The following USP31 variants were observed in gnomAD, a reference collection of about 807,000 sequenced individuals.
The protein encoded by USP31 is ubiquitin carboxyl-terminal hydrolase 31.
In USP31, 44 loss-of-function variants were observed where a neutral mutation model predicts 119.4. The ratio of observed to expected loss-of-function variants is 0.37; its 90% confidence interval spans 0.29 to 0.47. The LOEUF is 0.47. Among genes scored for constraint, USP31 ranks in the 20% least tolerant of loss-of-function variants. The pLI is 0.99. For synonymous variants in USP31, 749 were observed against 705.6 expected, an observed-to-expected ratio of 1.06 and a Z score of -0.97; for missense variants, 1,643 against 1,730.2, an observed-to-expected ratio of 0.95 and a Z score of 0.89.
chr16:23,135,137 TAAA>T (rs71151697), intron 1 of USP31, among the ~76,000 whole-genome samples: 8,556 of 127,846 alleles, frequency 0.067, 332 homozygotes, highest in Non-Finnish European at 0.088. Flanking sequence ...TTTCATGATT[TAAA>T]AAAAAAAAAA....
At chr16:23,105,714 A>C in intron 4 of USP31, 138 bp from the exon 5 acceptor site, 1 of 976,576 alleles carries the variant, frequency 1.0e-6, no homozygotes, top group Non-Finnish European at 1.4e-6. Context: ...AAATGGAAAA[A>C]TTTCACTTGG....
In USP31 at chr16:23,125,533, G is replaced by C. The variant is rs537015076; in HGVS notation, c.634-17350C>G. Among the ~76,000 whole-genome samples the C allele has an allele frequency of 7.2e-5, 11 of 152,296 alleles. No homozygotes were observed. The South Asian group carries it at 2.3e-3, about 32-fold the overall frequency. On this transcript the variant is annotated intron_variant, in intron 1 of 15. Coordinates refer to ENST00000219689, the MANE Select transcript of USP31 (RefSeq NM_020718.4). ...AATACTCCTTTCTTTCCCATCTGAA[G>C]GGAAATGAAGCTACTCTCCTTTCTT...
chr16:23,079,864 T>G, intron 13 of USP31, 82 bp downstream of exon 13: 1 of 1,335,158 alleles, frequency 7.5e-7, no homozygotes, highest in Non-Finnish European at 1.0e-6. Flanking sequence ...GAAATGAGGC[T>G]CTAAAGTCAA....
intron 10 of USP31, among the ~76,000 whole-genome samples, chr16:23,085,339 G>A (rs1201588038): frequency 1.3e-5 from 2 of 152,138 alleles, no homozygotes. Context: ...AACCTATATA[G>A]TAGCTAATGA....
chr16:23,115,993 G>C (rs1412787639), intron 1 of USP31, among the ~76,000 whole-genome samples: 1 of 152,100 alleles, frequency 6.6e-6, no homozygotes, highest in Non-Finnish European at 1.5e-5. Flanking sequence ...CTAACCCCAG[G>C]AAGAAGAAGA....
At chr16:23,123,897 G>A (rs1454734522) in intron 1 of USP31, among the ~76,000 whole-genome samples, 1 of 152,008 alleles carries the variant, frequency 6.6e-6, no homozygotes, top group African/African-American at 2.4e-5. Flanking sequence ...CTACCAGAGA[G>A]CTGAGGTGAG....
At chr16:23,081,119 C>T (rs1239262122) in intron 12 of USP31, among the ~76,000 whole-genome samples, 2 of 151,972 alleles carry the variant, frequency 1.3e-5, no homozygotes, top group East Asian at 1.9e-4. Flanking sequence ...ACACAGGAGT[C>T]GATGAAGAGG....
chr16:23,083,708 G>T (rs1596693789), intron 11 of USP31, among the ~76,000 whole-genome samples: 2 of 107,304 alleles, frequency 1.9e-5, no homozygotes, highest in South Asian at 4.6e-4. Context: ...GGGGGGGGGG[G>T]GGGAAGGGGT....
At chr16:23,120,063 AACTC>A (rs1169607181) in intron 1 of USP31, among the ~76,000 whole-genome samples, 8 of 152,334 alleles carry the variant, frequency 5.3e-5, no homozygotes, top group Admixed American at 1.3e-4. Context: ...TAACTCAAGT[AACTC>A]AAATGTATCT....
At chr16:23,148,259 C>T (rs887888259) in intron 1 of USP31, among the ~76,000 whole-genome samples, 20 of 152,196 alleles carry the variant, frequency 1.3e-4, no homozygotes, top group Admixed American at 8.5e-4. Flanking sequence ...GGCTGCTTAA[C>T]TTACCCGACG....
chr16:23,126,435 T>C (rs959010057), intron 1 of USP31, among the ~76,000 whole-genome samples: 5 of 146,194 alleles, frequency 3.4e-5, no homozygotes, highest in Non-Finnish European at 6.0e-5. Flanking sequence ...CCATCCTGGC[T>C]AACATGGTGA....
At chr16:23,081,922 C>T (rs1406837982) in intron 12 of USP31, among the ~76,000 whole-genome samples, 3 of 152,222 alleles carry the variant, frequency 2.0e-5, no homozygotes, top group Non-Finnish European at 4.4e-5. Flanking sequence ...TTGTGGAGTC[C>T]GCTAATGTTT....
intron 1 of USP31, among the ~76,000 whole-genome samples, chr16:23,116,968 C>T (rs12935619): frequency 0.17 from 25,438 of 152,106 alleles, 2,641 homozygotes; most frequent in Admixed American, 0.26. Flanking sequence ...TGCTCAGAAC[C>T]AAAGGTATTT....
At position 23,127,351 on chromosome 16, in the gene USP31, T is replaced by C. The variant is rs560491114; in HGVS notation, c.634-19168A>G. Among the ~76,000 whole-genome samples the C allele has an allele frequency of 1.5e-4, 23 of 152,142 alleles. No individual in the cohort carries two copies. In the South Asian group the frequency reaches 4.8e-3, roughly 32 times the overall value. On this transcript the variant is annotated intron_variant, in intron 1 of 15. Transcript: ENST00000219689. The stretch of plus-strand genomic sequence containing the variant: ...CTGAGGATCACTTGAGCCTGGGAGG[T>C]AGGCTTGCAGTGAGCTATGATCGCA...
chr16:23,093,244 A>G (rs1249473400), intron 6 of USP31, among the ~76,000 whole-genome samples: 3 of 152,226 alleles, frequency 2.0e-5, no homozygotes, highest in Admixed American at 2.0e-4. Flanking sequence ...AAACCCAGAG[A>G]ATGGAATAAA....
chr16:23,117,219 A>C (rs991035810), intron 1 of USP31, among the ~76,000 whole-genome samples: 2 of 152,230 alleles, frequency 1.3e-5, no homozygotes, highest in African/African-American at 4.8e-5. Flanking sequence ...AGGATAACTC[A>C]AGTATAGGTG....
Position 23,072,206 on chromosome 16 carries a change from A to G in USP31, c.2336-9T>C. ...GGAAGAACTTGTGGAGCCTGCAGAGAAGAAAACAGGCATAGAGGTCAGGCT... is the reference window on the plus strand; with the variant it reads ...GGAAGAACTTGTGGAGCCTGCAGAGGAGAAAACAGGCATAGAGGTCAGGCT... On this transcript the variant is annotated splice_polypyrimidine_tract_variant and intron_variant, in intron 14 of 15. Transcript: ENST00000219689. The G allele has an allele frequency of 1.9e-6, 3 of 1,603,342 alleles. No individual in the cohort carries two copies. The highest frequency in any genetic ancestry group is 2.5e-6 in the Non-Finnish European group (3 of 1,179,490).
intron 1 of USP31, among the ~76,000 whole-genome samples, chr16:23,135,154 AAC>A (rs1428740288): frequency 2.0e-5 from 3 of 150,846 alleles, no homozygotes; most frequent in Non-Finnish European, 4.4e-5. Context: ...AAAAAAAAAA[AAC>A]ACTCAACAAA....
chr16:23,076,089 CATAAA>C (rs1183342935), intron 13 of USP31, among the ~76,000 whole-genome samples: 1 of 151,870 alleles, frequency 6.6e-6, no homozygotes, highest in Non-Finnish European at 1.5e-5. Flanking sequence ...TGTCTCAAAA[CATAAA>C]ATAAACATTC....
Sources: allele counts gnomAD v4.1 joint callset (sites outside exome capture counted in the v4.1 genomes callset), GRCh38; gene constraint gnomAD v4.1.1; transcripts MANE v1.5; gene names NCBI Gene and HGNC (gene_info 2026-07-23, HGNC 2026-07-21).